The following SSBP2 variants were observed in gnomAD, a reference collection of about 807,000 sequenced individuals.
SSBP2 encodes the protein single stranded DNA binding protein 2.
In SSBP2, 17 loss-of-function variants were observed where a neutral mutation model predicts 61.8. The observed-to-expected ratio is 0.28, with a 90% CI of 0.19 to 0.41. The LOEUF (loss-of-function observed/expected upper bound fraction) is 0.41, where lower values mean the gene tolerates loss of function less well. SSBP2 is among the 10% of genes least tolerant of loss of function. The pLI is 1.00. For synonymous variants in SSBP2, 139 were observed against 141.3 expected, an observed-to-expected ratio of 0.98 and a Z score of 0.12; for missense variants, 310 against 458.7, an observed-to-expected ratio of 0.68 and a Z score of 2.96.
intron 1 of SSBP2, among the ~76,000 whole-genome samples, chr5:81,703,199 T>C (rs1221023655): frequency 6.6e-6 from 1 of 152,166 alleles, no homozygotes; most frequent in Non-Finnish European, 1.5e-5. Flanking sequence ...ATTAATTAAA[T>C]AACTTAATTG....
At chr5:81,701,049 C>T (rs1343772422) in intron 1 of SSBP2, among the ~76,000 whole-genome samples, 9 of 151,010 alleles carry the variant, frequency 6.0e-5, no homozygotes, top group African/African-American at 2.2e-4. Context: ...AGGGGCCTAG[C>T]TTTCAGTCTA....
At chr5:81,685,986 T>C (rs1170049033) in intron 1 of SSBP2, among the ~76,000 whole-genome samples, 1 of 152,220 alleles carries the variant, frequency 6.6e-6, no homozygotes, top group African/African-American at 2.4e-5. Flanking sequence ...TCAAAGCACA[T>C]GGGATAAGTC....
intron 4 of SSBP2, among the ~76,000 whole-genome samples, chr5:81,538,089 T>C (rs560489054): frequency 1.2e-4 from 18 of 152,122 alleles, no homozygotes; most frequent in Admixed American, 3.9e-4. Context: ...AAAGCCAAGA[T>C]AGGCCGAAAG....
chr5:81,445,778 A>C (rs1235406342), intron 12 of SSBP2, among the ~76,000 whole-genome samples: 1 of 152,186 alleles, frequency 6.6e-6, no homozygotes, highest in Non-Finnish European at 1.5e-5. Flanking sequence ...AAAACATCAT[A>C]ATCAAAAATA....
rs1204411874 is a variant in SSBP2 at position 81,415,911 on chromosome 5, CAAA to C, written c.*4590_*4592del. 8.5e-5 allele frequency: 2 copies of C among 23,478 alleles called. No individual in the cohort carries two copies. The highest frequency in any genetic ancestry group is 1.3e-4 in the Non-Finnish European group (2 of 14,968). 1.5% of individuals were successfully genotyped at this position (23,478 alleles called of 1,614,324 possible). On this transcript the variant is annotated 3_prime_UTR_variant, in exon 17 of 17. Coordinates refer to ENST00000320672, the MANE Select transcript of SSBP2 (RefSeq NM_012446.5). Reference sequence around the variant, plus strand: ...TGGGTGACAGAGCAAGATTCTGACTCAAAAAAAAAAAAAAAAAAGAGGAAAACC... The same window carrying C: ...TGGGTGACAGAGCAAGATTCTGACTCAAAAAAAAAAAAAAAGAGGAAAACC...
intron 4 of SSBP2, among the ~76,000 whole-genome samples, chr5:81,590,047 A>C (rs757596554): frequency 2.0e-5 from 3 of 152,164 alleles, no homozygotes; most frequent in Non-Finnish European, 4.4e-5. Context: ...ATCATACCAC[A>C]CCAGGACCTA....
At chr5:81,739,145 C>A (rs1581454266) in intron 1 of SSBP2, among the ~76,000 whole-genome samples, 1 of 106,912 alleles carries the variant, frequency 9.4e-6, no homozygotes, top group East Asian at 3.0e-4. Context: ...AGCCTGGTGA[C>A]AGAGTGAGAC....
chr5:81,456,870 G>T (rs1764199292), intron 10 of SSBP2, among the ~76,000 whole-genome samples: 1 of 152,128 alleles, frequency 6.6e-6, no homozygotes, highest in Non-Finnish European at 1.5e-5. Context: ...AAGACAGACA[G>T]GTTTCATACT....
intron 4 of SSBP2, among the ~76,000 whole-genome samples, chr5:81,526,850 A>C (rs1302212142): frequency 6.6e-6 from 1 of 151,976 alleles, no homozygotes; most frequent in Non-Finnish European, 1.5e-5. Context: ...AAGGGGAAAA[A>C]TAAGGTGTCC....
In SSBP2 at chr5:81,581,940, T is replaced by C. The variant is rs540973723; in HGVS notation, c.282+33533A>G. Among the ~76,000 whole-genome samples the C allele has an allele frequency of 3.9e-5, 6 of 152,300 alleles. No homozygotes were observed. In the South Asian group the frequency reaches 1.2e-3, roughly 32 times the overall value. Reference sequence around the variant, plus strand: ...AGAAATTTAGATTTAAAGCTTACTATATTAAAAAATATAAAAATGTCCTTA... The same window carrying C: ...AGAAATTTAGATTTAAAGCTTACTACATTAAAAAATATAAAAATGTCCTTA... On this transcript the variant is annotated intron_variant, in intron 4 of 16. Coordinates refer to ENST00000320672, the MANE Select transcript of SSBP2 (RefSeq NM_012446.5).
Position 81,448,780 on chromosome 5 carries a change from A to G in SSBP2, c.723+10T>C. The G allele has an allele frequency of 6.2e-7, 1 of 1,611,784 alleles. No individual in the cohort carries two copies. Among genetic ancestry groups the G allele is most frequent in the Non-Finnish European group, 8.5e-7 (1 of 1,178,674 alleles). ...AATTCTTATAAGCAAACAAACCCAAATGTACTTACTACATAATTCCCAGGA... is the reference window on the plus strand; with the variant it reads ...AATTCTTATAAGCAAACAAACCCAAGTGTACTTACTACATAATTCCCAGGA... On this transcript the variant is annotated intron_variant, in intron 11 of 16. Coordinates refer to ENST00000320672, the MANE Select transcript of SSBP2 (RefSeq NM_012446.5).
At chr5:81,502,318 A>G (rs771790053) in intron 5 of SSBP2, among the ~76,000 whole-genome samples, 31 of 152,168 alleles carry the variant, frequency 2.0e-4, no homozygotes, top group Non-Finnish European at 3.4e-4. Context: ...GGCTTCCAGC[A>G]TACTTCCTTG....
intron 10 of SSBP2, among the ~76,000 whole-genome samples, chr5:81,456,350 CTTTTTT>C (rs34736090): frequency 7.5e-6 from 1 of 133,498 alleles, no homozygotes; most frequent in Admixed American, 7.5e-5. Context: ...CTATTTCTGC[CTTTTTT>C]TTTTTTTTTC....
At chr5:81,734,898 G>A (rs967485129) in intron 1 of SSBP2, among the ~76,000 whole-genome samples, 2 of 150,656 alleles carry the variant, frequency 1.3e-5, no homozygotes, top group Non-Finnish European at 3.0e-5. Flanking sequence ...GTGAACCCGG[G>A]AGGAGGAGCT....
chr5:81,428,876 TA>T (rs942279590), intron 15 of SSBP2, among the ~76,000 whole-genome samples, 193 bp from the exon 16 acceptor site: 1 of 151,222 alleles, frequency 6.6e-6, no homozygotes, highest in East Asian at 1.9e-4. Flanking sequence ...AATGAAAATT[TA>T]AAAAAAAATA....
chr5:81,496,446 C>A (rs566525275), intron 5 of SSBP2, among the ~76,000 whole-genome samples: 1 of 152,280 alleles, frequency 6.6e-6, no homozygotes, highest in East Asian at 1.9e-4. Flanking sequence ...TCCCAAAGTA[C>A]TGGGATTACA....
At chr5:81,613,804 CAT>C (rs758304476) in intron 4 of SSBP2, among the ~76,000 whole-genome samples, 6 of 152,180 alleles carry the variant, frequency 3.9e-5, no homozygotes, top group Non-Finnish European at 7.3e-5. Context: ...TCCAATTCCT[CAT>C]ATTCTTCATG....
intron 4 of SSBP2, among the ~76,000 whole-genome samples, chr5:81,523,288 T>A (rs761596157): frequency 3.9e-5 from 6 of 152,104 alleles, no homozygotes; most frequent in Non-Finnish European, 4.4e-5. Context: ...TGGCCTTTGA[T>A]TTTTCACTGT....
intron 4 of SSBP2, among the ~76,000 whole-genome samples, chr5:81,564,195 C>A (rs926574221): frequency 3.9e-5 from 6 of 152,144 alleles, no homozygotes; most frequent in Non-Finnish European, 2.9e-5. Flanking sequence ...CCACAATGAG[C>A]TATCACCTCA....
Sources: allele counts gnomAD v4.1 joint callset (sites outside exome capture counted in the v4.1 genomes callset), GRCh38; gene constraint gnomAD v4.1.1; transcripts MANE v1.5; gene names NCBI Gene and HGNC (gene_info 2026-07-23, HGNC 2026-07-21).